The following CTSG variants were observed in gnomAD, a reference collection of about 807,000 sequenced individuals.
The protein encoded by CTSG is cathepsin G.
In CTSG, 23 loss-of-function variants were observed where a neutral mutation model predicts 23.0. The ratio of observed to expected loss-of-function variants is 1.00; its 90% CI spans 0.72 to 1.42. The LOEUF is 1.42. CTSG is among the 40% of genes most tolerant of loss of function. The pLI is 0.00. For synonymous variants in CTSG, 140 were observed against 130.4 expected (o/e 1.07, Z -0.50); for missense variants, 312 against 326.2 (o/e 0.96, Z 0.33).
intron 1 of CTSG, 83 bp from the exon 2 acceptor site, chr14:24,575,495 G>C: frequency 6.8e-7 from 1 of 1,480,254 alleles, no homozygotes; most frequent in Non-Finnish European, 9.4e-7. Context: ...AGAAAGGCTG[G>C]AAGATGGGGA....
chr14:24,575,713 A>G (rs1010790351), intron 1 of CTSG, among the ~76,000 whole-genome samples: 1 of 152,188 alleles, frequency 6.6e-6, no homozygotes, highest in African/African-American at 2.4e-5. Flanking sequence ...CTTCAGCCTC[A>G]GGTATTGAGG....
At chr14:24,574,583 C>A (rs1004020393) in intron 3 of CTSG, 84 bp from the exon 4 acceptor site, 18 of 1,610,238 alleles carry the variant, frequency 1.1e-5, no homozygotes, top group Non-Finnish European at 1.5e-5. Flanking sequence ...ACATCCCATG[C>A]CCTCCCCGCC....
rs1353379178 is a variant in CTSG at position 24,574,668 on chromosome 14, G to GTGGTACC, written c.339_339+6dup. ...AGGAAGGAGCCAGAGGGCCAGGTAG[G>GTGGTACC]TGGTACCTGCAATAACATGATGTCA... is the stretch of plus-strand genomic sequence containing the variant. On this transcript the variant is annotated splice_region_variant and intron_variant, in intron 3 of 4. Coordinates refer to ENST00000216336, the MANE Select transcript of CTSG (RefSeq NM_001911.3). 3.7e-6 allele frequency: 6 copies of GTGGTACC among 1,614,246 alleles called. No individual in the cohort carries two copies.
chr14:24,575,245 G>GA lies in CTSG; in HGVS notation c.203+19dup, dbSNP rs549168777. 2 of 1,613,934 alleles carry GA rather than the reference G, an allele frequency of 1.2e-6. No individual in the cohort carries two copies. The highest frequency in any genetic ancestry group is 2.2e-5 in the South Asian group (2 of 91,060). ...CAGGGCTGTGTTCCTGGCTGGCCAGGAAGTTCCTTAGCTCCTCACCTTCCC... is the reference window on the plus strand; with the variant it reads ...CAGGGCTGTGTTCCTGGCTGGCCAGGAAAGTTCCTTAGCTCCTCACCTTCCC... On this transcript the variant is annotated intron_variant, in intron 2 of 4. Coordinates refer to ENST00000216336, the MANE Select transcript of CTSG (RefSeq NM_001911.3).
chr14:24,575,024 G>C (rs1189991453), intron 2 of CTSG: 5 of 700,418 alleles, frequency 7.1e-6, no homozygotes, highest in Admixed American at 5.7e-5. Context: ...AGATTAAGTT[G>C]ATAAATAGCC....
At chr14:24,575,450 T>C (rs780501359) in intron 1 of CTSG, 38 bp from the exon 2 acceptor site, 4 of 1,612,266 alleles carry the variant, frequency 2.5e-6, no homozygotes, top group South Asian at 1.1e-5. Flanking sequence ...CTATGCTTGC[T>C]GAACCTGCAA....
At chr14:24,576,116 T>C in intron 1 of CTSG, 53 bp downstream of exon 1, 1 of 1,541,694 alleles carries the variant, frequency 6.5e-7, no homozygotes, top group East Asian at 2.3e-5. Context: ...GCAATTTGGC[T>C]CAAGAATCTA....
intron 4 of CTSG, 96 bp downstream of exon 4, chr14:24,574,149 C>G: frequency 6.7e-7 from 1 of 1,490,650 alleles, no homozygotes; most frequent in Non-Finnish European, 9.0e-7. Flanking sequence ...GGTCTGGCTG[C>G]CAGGCTGAGG....
At chr14:24,574,652 C>T in intron 3 of CTSG, 23 bp downstream of exon 3, 1 of 1,614,164 alleles carries the variant, frequency 6.2e-7, no homozygotes, top group Non-Finnish European at 8.5e-7. Context: ...TAGGAAGGAG[C>T]CAGAGGGCCA....
rs774269727 is a variant in CTSG at position 24,574,347 on chromosome 14, C to G, written c.492G>C (p.Leu164=). The G allele has an allele frequency of 6.2e-7, 1 of 1,607,628 alleles. No individual in the cohort carries two copies. Among genetic ancestry groups the G allele is most frequent in the Non-Finnish European group, 8.5e-7 (1 of 1,179,984 alleles). The change falls in exon 4 of 5, where the codon CTG becomes CTC. Residue 164 remains leucine (L), a synonymous_variant. Coordinates refer to ENST00000216336, the MANE Select transcript of CTSG (RefSeq NM_001911.3). The part of the protein sequence containing the change: ...RGTDTLREVQ[L]RVQRDRQCLR... ...GGCACTGCCTATCCCTCTGCACTCT[C>G]AGCTGCACCTCTCGGAGTGTATCTG...
rs2138449449 is a variant in CTSG at position 24,573,805 on chromosome 14, A to G, written c.600T>C (p.Asp200=). Residue 200 remains aspartate, a synonymous_variant, in exon 5 of 5, where the codon GAT becomes GAC. Transcript: ENST00000216336. ...TGTTACACAGCAGGGGGCCTCCGGA[A>G]TCCCCCTGTAGGTAGAGAGGAGAAG... ...RRERKAAFKG[D]SGGPLLCNNV... is the part of the protein sequence containing the mutation. 3 of 1,613,684 alleles carry G rather than the reference A, an allele frequency of 1.9e-6. No homozygotes were observed. Among genetic ancestry groups the G allele is most frequent in the South Asian group, 2.2e-5 (2 of 91,054 alleles).
rs779735779 is a variant in CTSG at position 24,573,827 on chromosome 14, G to A, written c.595-17C>T. 6.2e-7 allele frequency: 1 copy of A among 1,607,046 alleles called. No homozygotes were observed. Among genetic ancestry groups the A allele is most frequent in the South Asian group, 1.1e-5 (1 of 90,600 alleles). ...GGAATCCCCCTGTAGGTAGAGAGGA[G>A]AAGGGAGACTGAGACAGGCCTCCCT... is the stretch of plus-strand genomic sequence containing the variant. On this transcript the variant is annotated splice_polypyrimidine_tract_variant and intron_variant, in intron 4 of 4. Transcript: ENST00000216336.
rs1358090748 is a variant in CTSG at position 24,575,127 on chromosome 14, C to T, written c.203+138G>A. On this transcript the variant is annotated intron_variant, in intron 2 of 4. Coordinates refer to ENST00000216336, the MANE Select transcript of CTSG (RefSeq NM_001911.3). ...TCCTTTCCTCCTCATTTACACTGGCCTGTTCCCTCCCGCAAAGACTCACTT... is the reference window on the plus strand; with the variant it reads ...TCCTTTCCTCCTCATTTACACTGGCTTGTTCCCTCCCGCAAAGACTCACTT... 8 of 953,594 alleles carry T rather than the reference C, an allele frequency of 8.4e-6. No individual in the cohort carries two copies. The Admixed American group carries it at 1.1e-4, about 13-fold the overall frequency. The allele number at this position is 953,594 out of a possible 1,614,324, so 59.1% of individuals were successfully genotyped here. A position where few individuals can be genotyped will look rare whatever the true frequency, so the allele number is the denominator to read the frequency against.
chr14:24,574,193 T>C, intron 4 of CTSG, 52 bp downstream of exon 4: 1 of 1,592,988 alleles, frequency 6.3e-7, no homozygotes, highest in South Asian at 1.1e-5. Context: ...ACTGCCTGGC[T>C]CTGCACGGGC....
Position 24,575,309 on chromosome 14 carries a change from C to A in CTSG, c.159G>T (p.Leu53=), listed in dbSNP as rs771274266. ...CTGTCAGCACAAAGTCTTCTCGCACCAGGAACCCTCCACATCTGCTCTGAC... is the reference window on the plus strand; with the variant it reads ...CTGTCAGCACAAAGTCTTCTCGCACAAGGAACCCTCCACATCTGCTCTGAC... ...PAGQSRCGGF[L]VREDFVLTAA... The change falls in exon 2 of 5, where the codon CTG becomes CTT. Residue 53 remains leucine (L), a synonymous_variant. Coordinates refer to ENST00000216336, the MANE Select transcript of CTSG (RefSeq NM_001911.3). 1.9e-6 allele frequency: 3 copies of A among 1,614,050 alleles called. No individual in the cohort carries two copies. Among genetic ancestry groups the A allele is most frequent in the Non-Finnish European group, 2.5e-6 (3 of 1,180,036 alleles).
intron 3 of CTSG, 71 bp downstream of exon 3, chr14:24,574,604 C>T: frequency 6.2e-7 from 1 of 1,612,680 alleles, no homozygotes; most frequent in Non-Finnish European, 8.5e-7. Flanking sequence ...ACCCCGGAGC[C>T]TTGCCCTCAC....
At position 24,575,292 on chromosome 14, in the gene CTSG, A is replaced by G. The variant is rs1228855524; in HGVS notation, c.176T>C (p.Val59Ala). 6.2e-7 allele frequency: 1 copy of G among 1,614,086 alleles called. No homozygotes were observed. The highest frequency in any genetic ancestry group is 8.5e-7 in the Non-Finnish European group (1 of 1,180,008). ...CGGFLVREDF[V>A]LTAAHCWGSN... Reference sequence around the variant, plus strand: ...TCCCCAGCAATGAGCTGCTGTCAGCACAAAGTCTTCTCGCACCAGGAACCC... The same window carrying G: ...TCCCCAGCAATGAGCTGCTGTCAGCGCAAAGTCTTCTCGCACCAGGAACCC... Residue 59 changes from valine (V) to alanine (A), a missense_variant, in exon 2 of 5, where the codon GTG (valine) becomes GCG (alanine). Val to Ala is a moderately conservative substitution (Grantham distance 64, BLOSUM62 0). Transcript: ENST00000216336.
rs1273091559 is a variant in CTSG at position 24,574,740 on chromosome 14, G to C, written c.274C>G (p.Arg92Gly). The C allele has an allele frequency of 1.2e-6, 2 of 1,614,192 alleles. No individual in the cohort carries two copies. The highest frequency in any genetic ancestry group is 1.7e-6 in the Non-Finnish European group (2 of 1,180,030). Residue 92 changes from arginine (R) to glycine (G), a missense_variant, in exon 3 of 5, where the codon CGC becomes GGC. Coordinates refer to ENST00000216336, the MANE Select transcript of CTSG (RefSeq NM_001911.3). ...RENTQQHITA[R>G]RAIRHPQYNQ... is the part of the protein sequence containing the mutation. ...TATTGAGGGTGGCGGATGGCTCTGC[G>C]CGCAGTGATGTGTTGCTGGGTGTTT...
Position 24,575,252 on chromosome 14 carries a change from C to T in CTSG, c.203+13G>A, listed in dbSNP as rs1274204545. The T allele has an allele frequency of 1.9e-6, 3 of 1,613,924 alleles. No individual in the cohort carries two copies. The highest frequency in any genetic ancestry group is 1.6e-4 in the Middle Eastern group (1 of 6,084). ...GTGTTCCTGGCTGGCCAGGAAGTTC[C>T]TTAGCTCCTCACCTTCCCCAGCAAT... On this transcript the variant is annotated intron_variant, in intron 2 of 4. Coordinates refer to ENST00000216336, the MANE Select transcript of CTSG (RefSeq NM_001911.3).
Sources: allele counts gnomAD v4.1 joint callset (sites outside exome capture counted in the v4.1 genomes callset), GRCh38; gene constraint gnomAD v4.1.1; transcripts MANE v1.5; gene names NCBI Gene and HGNC (gene_info 2026-07-23, HGNC 2026-07-21).